The following RNF20 variants were observed in gnomAD, a reference collection of about 807,000 sequenced individuals.
RNF20 encodes the protein E3 ubiquitin-protein ligase BRE1A.
RNF20 carries 84 observed loss-of-function variants against 126.2 expected under a neutral mutation model. The ratio of observed to expected loss-of-function variants is 0.67; its 90% CI spans 0.56 to 0.80. RNF20 has a LOEUF of 0.80. Among genes scored for constraint, RNF20 ranks in the 30% least tolerant of loss-of-function variants. The pLI, the probability that RNF20 is intolerant of heterozygous loss-of-function variation, is 0.00. For missense variants in RNF20, 869 were observed against 1,188.2 expected (o/e 0.73, Z 3.95); for synonymous variants, 400 against 414.3 (o/e 0.97, Z 0.42).
intron 5 of RNF20, among the ~76,000 whole-genome samples, chr9:101,541,966 CA>C (rs951626911): frequency 6.6e-6 from 1 of 151,538 alleles, no homozygotes; most frequent in East Asian, 1.9e-4. Flanking sequence ...TGCTCAAATG[CA>C]AAAAAAATGC....
chr9:101,556,812 A>T lies in RNF20; in HGVS notation c.2170-572A>T, dbSNP rs144588797. On this transcript the variant is annotated intron_variant, in intron 15 of 19. Transcript: ENST00000389120. ...AGAAGGCTTATCTGATACAAAAAAAACTCTCCAAAATAGGGAAAAAAACTC... is the reference window on the plus strand; with the variant it reads ...AGAAGGCTTATCTGATACAAAAAAATCTCTCCAAAATAGGGAAAAAAACTC... Among the ~76,000 whole-genome samples, 242 of 152,312 alleles carry T rather than the reference A, an allele frequency of 1.6e-3. 1 individual carries two copies. The highest frequency in any genetic ancestry group is 3.1e-3 in the Non-Finnish European group (209 of 68,014).
chr9:101,545,257 A>G (rs1827329663), intron 6 of RNF20, among the ~76,000 whole-genome samples: 1 of 152,246 alleles, frequency 6.6e-6, no homozygotes, highest in South Asian at 2.1e-4. Flanking sequence ...ATCAAGATAA[A>G]GTGATGATAG....
intron 16 of RNF20, 131 bp from the exon 17 acceptor site, chr9:101,560,670 T>G (rs2118743797): frequency 1.2e-6 from 1 of 805,876 alleles, no homozygotes; most frequent in East Asian, 2.8e-5. Context: ...TTTGAAGGGT[T>G]CATGGGCAAA....
Position 101,554,705 on chromosome 9 carries a change from A to G in RNF20, c.2031A>G (p.Leu677=). The part of the protein sequence containing the change: ...EKKSKAELED[L]RQRLKDLEDK... ...CTTTCCTCTTATAGTTGGAAGATCT[A>G]AGGCAAAGACTCAAGGATCTGGAAG... is the stretch of plus-strand genomic sequence containing the variant. The change falls in exon 15 of 20, where the codon CTA becomes CTG. Residue 677 remains leucine, a synonymous_variant. Transcript: ENST00000389120. 6.2e-7 allele frequency: 1 copy of G among 1,611,196 alleles called. No homozygotes were observed. The highest frequency in any genetic ancestry group is 8.5e-7 in the Non-Finnish European group (1 of 1,178,244).
chr9:101,562,178 A>G, intron 19 of RNF20, 68 bp from the exon 20 acceptor site: 3 of 1,509,654 alleles, frequency 2.0e-6, no homozygotes, highest in Non-Finnish European at 2.7e-6. Context: ...TTGGTTGTGT[A>G]GTATATGAGA....
At chr9:101,555,677 C>T (rs781292447) in intron 15 of RNF20, among the ~76,000 whole-genome samples, 2 of 151,654 alleles carry the variant, frequency 1.3e-5, no homozygotes, top group Non-Finnish European at 2.9e-5. Flanking sequence ...TTGGGCTGGG[C>T]GCGGTGGCTC....
Position 101,540,195 on chromosome 9 carries a change from C to T in RNF20, c.130-8C>T. On this transcript the variant is annotated splice_polypyrimidine_tract_variant and splice_region_variant and intron_variant, in intron 2 of 19. Transcript: ENST00000389120. ...TGTGGAGACTAATACGATTGGTTTA[C>T]TGGGCAGGAGGAACTAGACATTAGA... 1.9e-6 allele frequency: 3 copies of T among 1,612,272 alleles called. No homozygotes were observed. The highest frequency in any genetic ancestry group is 4.5e-5 in the East Asian group (2 of 44,818).
intron 5 of RNF20, among the ~76,000 whole-genome samples, chr9:101,544,362 G>C (rs919175232): frequency 1.3e-5 from 2 of 152,168 alleles, no homozygotes; most frequent in Non-Finnish European, 2.9e-5. Context: ...CAAGGTGCTA[G>C]GATTACAGCG....
rs1281512807 is a variant in RNF20, at chr9:101,544,847, G to C, written c.709G>C (p.Asp237His). The C allele has an allele frequency of 6.2e-7, 1 of 1,613,812 alleles. No homozygotes were observed. The highest frequency in any genetic ancestry group is 8.5e-7 in the Non-Finnish European group (1 of 1,179,698). The change falls in exon 6 of 20, where the codon GAT becomes CAT. Residue 237 changes from aspartate to histidine, a missense_variant. Around this residue, in one of 8 missense-constraint regions of RNF20, gnomAD observed 103 missense variants for 94.3 expected, o/e 1.09. Coordinates refer to ENST00000389120, the MANE Select transcript of RNF20 (RefSeq NM_019592.7). ...QENMRLQELT[D>H]LLQEKHRTMS... ...GAATATGAGGCTACAGGAATTGACA[G>C]ATCTTCTTCAGGAAAAGCATCGCAC...
intron 9 of RNF20, among the ~76,000 whole-genome samples, chr9:101,550,366 C>T (rs1273270194): frequency 6.6e-6 from 1 of 152,162 alleles, no homozygotes; most frequent in African/African-American, 2.4e-5. Context: ...GAATATAAAA[C>T]ACATATCAAA....
Position 101,551,721 on chromosome 9 carries a change from A to G in RNF20, c.1310A>G (p.Glu437Gly). Reference sequence around the variant, plus strand: ...AGTCTTCATAAGAAGCTGAGGACTGAAGTAATTCAGCTAGAAGATACATTG... The same window carrying G: ...AGTCTTCATAAGAAGCTGAGGACTGGAGTAATTCAGCTAGAAGATACATTG... ...EVSLHKKLRT[E>G]VIQLEDTLAQ... is the part of the protein sequence containing the mutation. Residue 437 changes from glutamate to glycine, a missense_variant, in exon 11 of 20, where the codon GAA becomes GGA. Transcript: ENST00000389120. 6.2e-7 allele frequency: 1 copy of G among 1,613,214 alleles called. No individual in the cohort carries two copies. Among genetic ancestry groups the G allele is most frequent in the Non-Finnish European group, 8.5e-7 (1 of 1,179,614 alleles).
rs753725911 is a variant in RNF20 at position 101,554,782 on chromosome 9, A to G, written c.2108A>G (p.Lys703Arg). Reference protein sequence around the residue: ...KKMADEDALRKIRAVEEQIEY... With the variant: ...KKMADEDALRRIRAVEEQIEY... ...ATGGCTGATGAGGATGCCTTGAGGA[A>G]GATCCGGGCAGTGGAGGAGCAGATA... Residue 703 changes from lysine to arginine, a missense_variant, in exon 15 of 20, where the codon AAG becomes AGG. By Grantham distance (26) the Lys-to-Arg change is conservative. Transcript: ENST00000389120. The G allele has an allele frequency of 2.5e-5, 39 of 1,583,690 alleles. No individual in the cohort carries two copies. The highest frequency in any genetic ancestry group is 3.1e-5 in the Non-Finnish European group (36 of 1,161,284).
At position 101,535,701 on chromosome 9, in the gene RNF20, G is replaced by T. The variant is rs924571924; in HGVS notation, c.129+149G>T. The T allele has an allele frequency of 5.2e-6, 4 of 773,182 alleles. No individual in the cohort carries two copies. The African/African-American group carries it at 7.1e-5, about 14-fold the overall frequency. 47.9% of individuals were successfully genotyped at this position (773,182 alleles called of 1,614,324 possible). On this transcript the variant is annotated intron_variant, in intron 2 of 19. Transcript: ENST00000389120. The stretch of plus-strand genomic sequence containing the variant: ...GGCTGAAAGTAGGTAAAATGATGTG[G>T]TAGTCAGTTCTAGAGGAGAGGTAGA...
At chr9:101,559,467 C>A (rs1192466191) in intron 16 of RNF20, among the ~76,000 whole-genome samples, 2 of 151,970 alleles carry the variant, frequency 1.3e-5, no homozygotes, top group African/African-American at 4.8e-5. Context: ...AATTGCATTT[C>A]ATTTGTAGAT....
intron 10 of RNF20, among the ~76,000 whole-genome samples, chr9:101,551,215 G>C (rs544012026): frequency 2.2e-4 from 34 of 152,290 alleles, no homozygotes; most frequent in Admixed American, 4.6e-4. Context: ...ATGAGAAATA[G>C]TTTAATATGG....
In RNF20 at chr9:101,544,793, C is replaced by T; in HGVS notation, c.655C>T (p.Gln219Ter). Reference sequence around the variant, plus strand: ...TAATCTGATAGTGGAGGAAGCAGTGCAGGAGCTGAACTCTTTCCTCGCACA... The same window carrying T: ...TAATCTGATAGTGGAGGAAGCAGTGTAGGAGCTGAACTCTTTCCTCGCACA... ...GDNLIVEEAV[Q>*]ELNSFLAQEN... is the part of the protein sequence containing the mutation. Residue 219 changes from glutamine to a stop codon, truncating the protein, a stop_gained, in exon 6 of 20, where the codon CAG (glutamine) becomes TAG (stop). Coordinates refer to ENST00000389120, the MANE Select transcript of RNF20 (RefSeq NM_019592.7). LOFTEE classifies it high-confidence loss of function. 6.2e-7 allele frequency: 1 copy of T among 1,610,496 alleles called. No individual in the cohort carries two copies. The highest frequency in any genetic ancestry group is 8.5e-7 in the Non-Finnish European group (1 of 1,176,956).
chr9:101,550,758 C>T lies in RNF20; in HGVS notation c.1245C>T (p.Thr415=). The change falls in exon 10 of 20, where the codon ACC becomes ACT. Residue 415 remains threonine, a synonymous_variant. Coordinates refer to ENST00000389120, the MANE Select transcript of RNF20 (RefSeq NM_019592.7). ...CCCTGCTTCATGGCACCAGAGGAAC[C>T]CACCAGCACCAGGTTGAGCTTATTG... The part of the protein sequence containing the change: ...ARTLLHGTRG[T]HQHQVELIER... 1 of 1,614,136 alleles carries T rather than the reference C, an allele frequency of 6.2e-7. No individual in the cohort carries two copies. Among genetic ancestry groups the T allele is most frequent in the South Asian group, 1.1e-5 (1 of 91,078 alleles).
chr9:101,541,609 G>A (rs1398767870), intron 5 of RNF20, among the ~76,000 whole-genome samples: 1 of 152,106 alleles, frequency 6.6e-6, no homozygotes, highest in Non-Finnish European at 1.5e-5. Context: ...TGTTTATCGT[G>A]TATGTAGGCT....
chr9:101,544,906 G>C, intron 6 of RNF20, 21 bp downstream of exon 6: 1 of 1,441,900 alleles, frequency 6.9e-7, no homozygotes, highest in Non-Finnish European at 9.8e-7. Flanking sequence ...AAAAAGGAGA[G>C]ATGGCTGTGT....
Sources: allele counts gnomAD v4.1 joint callset (sites outside exome capture counted in the v4.1 genomes callset), GRCh38; gene constraint gnomAD v4.1.1; regional missense constraint gnomAD v4.1.1; transcripts MANE v1.5; gene names NCBI Gene and HGNC (gene_info 2026-07-23, HGNC 2026-07-21).